The following NINJ2 variants were observed in gnomAD, a reference collection of about 807,000 sequenced individuals.
NINJ2 encodes the protein ninjurin 2, also known as ninjurin-2.
In NINJ2, 12 loss-of-function variants were observed where a neutral mutation model predicts 11.7. That is an observed-to-expected ratio of 1.02 (90% CI 0.66 to 1.66). The LOEUF (loss-of-function observed/expected upper bound fraction) is 1.66, where lower values mean the gene tolerates loss of function less well. Among genes scored for constraint, NINJ2 ranks in the 40% most tolerant of loss-of-function variants. NINJ2 has a pLI of 0.00. For missense variants in NINJ2, 187 were observed against 181.8 expected (o/e 1.03, Z -0.16); for synonymous variants, 93 against 76.8 (o/e 1.21, Z -1.10).
Position 565,372 on chromosome 12 carries a change from G to T in NINJ2, c.292C>A (p.Gln98Lys), listed in dbSNP as rs779396402. ...ARLNLNEVEK[Q>K]WRLNQLNNAA... ...TTGTTGAGCTGGTTGAGTCGCCACT[G>T]CTTTTCTACCTCATTCAGGTTCAGC... The change falls in exon 3 of 4, where the codon CAG becomes AAG. Residue 98 changes from glutamine (Q) to lysine (K), a missense_variant. By Grantham distance (53) the Gln-to-Lys change is moderately conservative. Coordinates refer to ENST00000305108, the MANE Select transcript of NINJ2 (RefSeq NM_016533.6). The T allele has an allele frequency of 2.5e-6, 4 of 1,614,054 alleles. No individual in the cohort carries two copies. The highest frequency in any genetic ancestry group is 3.4e-6 in the Non-Finnish European group (4 of 1,180,034).
chr12:575,522 A>C (rs1947443846), intron 1 of NINJ2, among the ~76,000 whole-genome samples: 1 of 151,610 alleles, frequency 6.6e-6, no homozygotes, highest in East Asian at 1.9e-4. Context: ...CCCCAAATGC[A>C]CTCCACCAAG....
At chr12:631,485 T>G (rs1948281075) in intron 1 of NINJ2, among the ~76,000 whole-genome samples, 1 of 152,160 alleles carries the variant, frequency 6.6e-6, no homozygotes, top group African/African-American at 2.4e-5. Context: ...TGCCTCAGCC[T>G]CCCGAGTAGC....
chr12:571,405 G>C (rs560781821), intron 1 of NINJ2, among the ~76,000 whole-genome samples: 1 of 151,678 alleles, frequency 6.6e-6, no homozygotes, highest in East Asian at 1.9e-4. Context: ...TCCTGGGCCT[G>C]CCTGGCAGAC....
chr12:589,921 G>A (rs749556229), intron 1 of NINJ2, among the ~76,000 whole-genome samples: 4 of 152,136 alleles, frequency 2.6e-5, no homozygotes, highest in South Asian at 2.1e-4. Context: ...CAGAGAGGGC[G>A]GGGTCTCCCT....
chr12:587,093 T>C (rs545524969), intron 1 of NINJ2, among the ~76,000 whole-genome samples: 1 of 152,352 alleles, frequency 6.6e-6, no homozygotes, highest in South Asian at 2.1e-4. Context: ...CTTTTCTTGC[T>C]ACTAAACACC....
intron 1 of NINJ2, among the ~76,000 whole-genome samples, chr12:649,139 C>T (rs924222615): frequency 5.9e-5 from 9 of 152,096 alleles, no homozygotes; most frequent in South Asian, 2.1e-4. Context: ...CTCCGCCTCC[C>T]GGGTTCAAGT....
intron 1 of NINJ2, chr12:645,666 T>A (rs1259062183): frequency 6.6e-6 from 1 of 152,206 alleles, no homozygotes; most frequent in Non-Finnish European, 1.5e-5. Flanking sequence ...GCAGTTGACA[T>A]TTGCCCTCTT....
chr12:648,977 C>CCTATCTATCTGTCTATCTGTCTGTCTAT (rs1555167408), intron 1 of NINJ2, among the ~76,000 whole-genome samples: 22 of 27,928 alleles, frequency 7.9e-4, no homozygotes, highest in South Asian at 3.0e-3. Flanking sequence ...AAGTCATCCA[C>CCTATCTATCTGTCTATCTGTCTGTCTAT]CTATCTATCT....
Position 585,389 on chromosome 12 carries a change from T to A in NINJ2, c.34-19211A>T, listed in dbSNP as rs187531653. ...GAAAGAGTAGGTTCGCCGGGGACAA[T>A]CCCACACCAGGAAGCCCCACGATTC... is the stretch of plus-strand genomic sequence containing the variant. On this transcript the variant is annotated intron_variant, in intron 1 of 3. Coordinates refer to ENST00000305108, the MANE Select transcript of NINJ2 (RefSeq NM_016533.6). The surrounding 1 kb of genome is among the most constrained non-coding windows in gnomAD (Gnocchi z 4.1). Among the ~76,000 whole-genome samples the A allele has an allele frequency of 2.4e-4, 37 of 152,102 alleles. No homozygotes were observed. The highest frequency in any genetic ancestry group is 7.0e-4 in the African/African-American group (29 of 41,474).
At chr12:621,291 AT>A (rs202031735) in intron 1 of NINJ2, among the ~76,000 whole-genome samples, 11 of 151,292 alleles carry the variant, frequency 7.3e-5, no homozygotes, top group Middle Eastern at 3.4e-3. Flanking sequence ...CTATAAAAAA[AT>A]TTAAAAAAAA....
chr12:579,489 C>T (rs1215001111), intron 1 of NINJ2, among the ~76,000 whole-genome samples: 1 of 143,558 alleles, frequency 7.0e-6, no homozygotes, highest in Non-Finnish European at 1.5e-5. Flanking sequence ...TCACACAAAA[C>T]AAAACAAAAA....
At position 569,629 on chromosome 12, in the gene NINJ2, G is replaced by C. The variant is rs551350085; in HGVS notation, c.34-3451C>G. 1.1e-4 allele frequency among the ~76,000 whole-genome samples: 17 copies of C among 152,350 alleles called. No individual in the cohort carries two copies. The East Asian group carries it at 3.3e-3, about 29-fold the overall frequency. ...CCTCTAGTGGCATGTGTTGAGCACT[G>C]ACCAAATAGTGGGGGAAGGGGTGGC... On this transcript the variant is annotated intron_variant, in intron 1 of 3. Transcript: ENST00000305108.
chr12:567,043 C>G (rs740893), intron 1 of NINJ2, among the ~76,000 whole-genome samples: 21,358 of 152,220 alleles, frequency 0.14, 2,025 homozygotes, highest in Non-Finnish European at 0.21. Context: ...CAGACTGGGC[C>G]AGGAAGGGCT....
intron 1 of NINJ2, among the ~76,000 whole-genome samples, chr12:601,561 A>AT (rs1013340799): frequency 4.8e-5 from 7 of 144,344 alleles, no homozygotes; most frequent in Non-Finnish European, 1.1e-4. Flanking sequence ...AAAAAAAAAA[A>AT]AATAAATAAA....
In NINJ2 at chr12:566,155, G is replaced by A. The variant is rs772570322; in HGVS notation, c.57C>T (p.Ser19=). 5.0e-6 allele frequency: 8 copies of A among 1,613,768 alleles called. No homozygotes were observed. In the South Asian group the frequency reaches 8.8e-5, roughly 18 times the overall value. ...CGTAATGGTTCAGGTTGATGGGCTG[G>A]CTCCTGGGGTCGGAGCTTCCAGGCT... is the stretch of plus-strand genomic sequence containing the variant. ...DLQPGSSDPR[S]QPINLNHYAT... is the part of the protein sequence containing the mutation. The change falls in exon 2 of 4, where the codon AGC becomes AGT. Residue 19 remains serine (S), a synonymous_variant. Transcript: ENST00000305108.
intron 1 of NINJ2, among the ~76,000 whole-genome samples, chr12:583,742 G>A (rs2535435): frequency 0.3 from 45,357 of 152,066 alleles, 7,770 homozygotes; most frequent in Non-Finnish European, 0.39. Context: ...GCAAAGCCTC[G>A]AAGTGTGAGT....
At position 640,393 on chromosome 12, in the gene NINJ2, G is replaced by A. The variant is rs1461119572; in HGVS notation, c.33+22935C>T. Among the ~76,000 whole-genome samples, 1 of 152,204 alleles carries A rather than the reference G, an allele frequency of 6.6e-6. No individual in the cohort carries two copies. Among genetic ancestry groups the A allele is most frequent in the African/African-American group, 2.4e-5 (1 of 41,436 alleles). ...CTTGCCTGAGCAAAGTTAAAGTGTA[G>A]TTCTTTCAATACAATTCATTCAGAC... On this transcript the variant is annotated intron_variant, in intron 1 of 3. Transcript: ENST00000305108. This position sits in a 1 kb window ranked among gnomAD's most constrained non-coding sequence, Gnocchi z 4.0.
chr12:567,654 A>G (rs1947319754), intron 1 of NINJ2, among the ~76,000 whole-genome samples: 2 of 152,156 alleles, frequency 1.3e-5, no homozygotes, highest in Admixed American at 6.5e-5. Flanking sequence ...TGATTTACAC[A>G]TAGGCTAACT....
chr12:610,728 T>TA, intron 1 of NINJ2: 188 of 455,846 alleles, frequency 4.1e-4, no homozygotes, highest in Non-Finnish European at 4.8e-4. Flanking sequence ...GGAAATCTAT[T>TA]CTTTTTTTTT....
Sources: allele counts gnomAD v4.1 joint callset (sites outside exome capture counted in the v4.1 genomes callset), GRCh38; gene constraint gnomAD v4.1.1; non-coding constraint Gnocchi (gnomAD v3.1); transcripts MANE v1.5; gene names NCBI Gene and HGNC (gene_info 2026-07-23, HGNC 2026-07-21).